LRFN5: variants seen among roughly 807,000 people sequenced by gnomAD.
LRFN5 encodes the protein leucine rich repeat and fibronectin type III domain containing 5.
In LRFN5, 24 loss-of-function variants were observed where a neutral mutation model predicts 45.6. The ratio of observed to expected loss-of-function variants is 0.53; its 90% CI spans 0.38 to 0.74. The LOEUF is 0.74. Ranked by LOEUF, LRFN5 falls within the 30% of genes least tolerant of loss-of-function variation. The pLI is 0.00. For synonymous variants in LRFN5, 340 were observed against 313.8 expected (o/e 1.08, Z -0.88); for missense variants, 776 against 861.5 (o/e 0.90, Z 1.24).
intron 1 of LRFN5, chr14:41,699,995 T>A (rs1372901844): frequency 6.6e-6 from 1 of 151,920 alleles, no homozygotes; most frequent in Non-Finnish European, 1.5e-5. Context: ...GAAATGAAGA[T>A]TTACAACTCA....
intron 2 of LRFN5, among the ~76,000 whole-genome samples, chr14:41,879,476 C>T (rs1226175050): frequency 6.6e-6 from 1 of 151,856 alleles, no homozygotes; most frequent in Non-Finnish European, 1.5e-5. Flanking sequence ...TTTCTTTCCT[C>T]ATCTTCTCCT....
chr14:41,774,734 A>G (rs1333802419), intron 2 of LRFN5, among the ~76,000 whole-genome samples: 1 of 152,218 alleles, frequency 6.6e-6, no homozygotes, highest in Non-Finnish European at 1.5e-5. Context: ...TTCACACGTA[A>G]GTATTCAATA....
intron 1 of LRFN5, among the ~76,000 whole-genome samples, chr14:41,609,199 A>T (rs868702710): frequency 6.6e-6 from 1 of 152,308 alleles, no homozygotes; most frequent in Middle Eastern, 3.4e-3. Context: ...GTAGCAGAAT[A>T]AATCCATGAA....
intron 1 of LRFN5, among the ~76,000 whole-genome samples, chr14:41,692,323 T>C (rs1352715674): frequency 3.9e-5 from 6 of 152,114 alleles, no homozygotes; most frequent in Non-Finnish European, 7.4e-5. Context: ...TGTAGCTTTA[T>C]GTGAGTCCTT....
chr14:41,850,397 A>G (rs904194979), intron 2 of LRFN5, among the ~76,000 whole-genome samples: 1 of 151,852 alleles, frequency 6.6e-6, no homozygotes, highest in African/African-American at 2.4e-5. Context: ...TTGTTTGAAT[A>G]ACTTCTGCAT....
intron 1 of LRFN5, among the ~76,000 whole-genome samples, chr14:41,722,710 C>G (rs1361088846): frequency 6.6e-6 from 1 of 152,116 alleles, no homozygotes; most frequent in Non-Finnish European, 1.5e-5. Flanking sequence ...GCAGTTCATC[C>G]TACAAGTCAG....
intron 1 of LRFN5, among the ~76,000 whole-genome samples, chr14:41,765,115 G>T (rs1214931296): frequency 6.6e-6 from 1 of 152,022 alleles, no homozygotes. Context: ...GCCGAGACGG[G>T]CGGATCACGA....
At chr14:41,880,398 A>G (rs1890340587) in intron 2 of LRFN5, among the ~76,000 whole-genome samples, 1 of 151,882 alleles carries the variant, frequency 6.6e-6, no homozygotes, top group Non-Finnish European at 1.5e-5. Context: ...CTGATTTTAA[A>G]CCATGTTTTC....
At chr14:41,755,584 C>G (rs1039002916) in intron 1 of LRFN5, among the ~76,000 whole-genome samples, 3 of 152,138 alleles carry the variant, frequency 2.0e-5, no homozygotes, top group African/African-American at 7.2e-5. Context: ...ACTAGGATTG[C>G]AACCCCTGCC....
intron 1 of LRFN5, among the ~76,000 whole-genome samples, chr14:41,707,931 A>G (rs1015068926): frequency 2.0e-5 from 3 of 152,084 alleles, no homozygotes; most frequent in Non-Finnish European, 4.4e-5. Context: ...GACCTAATTA[A>G]AAGATGTTCA....
At chr14:41,873,326 C>T (rs893262313) in intron 2 of LRFN5, among the ~76,000 whole-genome samples, 1 of 151,642 alleles carries the variant, frequency 6.6e-6, no homozygotes, top group African/African-American at 2.4e-5. Flanking sequence ...GAGTGCACTT[C>T]CCAAAATACA....
At chr14:41,737,237 C>A (rs919648515) in intron 1 of LRFN5, among the ~76,000 whole-genome samples, 1 of 152,024 alleles carries the variant, frequency 6.6e-6, no homozygotes, top group Admixed American at 6.6e-5. Context: ...ATAAACAGAA[C>A]CAATGGCAAA....
At chr14:41,681,828 T>TTTA (rs1566618949) in intron 1 of LRFN5, among the ~76,000 whole-genome samples, 12 of 36,078 alleles carry the variant, frequency 3.3e-4, no homozygotes, top group African/African-American at 2.1e-3. Context: ...TTATTTATTT[T>TTTA]TTTTTTTTGT....
intron 1 of LRFN5, among the ~76,000 whole-genome samples, chr14:41,754,107 A>G (rs1375710438): frequency 6.6e-6 from 1 of 152,216 alleles, no homozygotes; most frequent in African/African-American, 2.4e-5. Flanking sequence ...CATCACAGGG[A>G]TAAAACCCAC....
chr14:41,705,622 T>C (rs1164677027), intron 1 of LRFN5, among the ~76,000 whole-genome samples: 2 of 152,178 alleles, frequency 1.3e-5, no homozygotes, highest in South Asian at 2.1e-4. Context: ...TTTTCTTCTT[T>C]GTCCAGCTCT....
chr14:41,891,738 C>A lies in LRFN5; in HGVS notation c.1874C>A (p.Thr625Asn). Residue 625 changes from threonine (T) to asparagine (N), a missense_variant, in exon 4 of 6, where the codon ACT becomes AAT. By Grantham distance (65) the Thr-to-Asn change is moderately conservative (BLOSUM62 0). Around this residue, in one of 2 missense-constraint regions of LRFN5, gnomAD observed 465 missense variants for 456.4 expected, o/e 1.02. Transcript: ENST00000298119. The stretch of plus-strand genomic sequence containing the variant: ...TGTTCGAGTCAGGACTCCTCTACCA[C>A]TACCTCTGCTTTGCCTCCTTCCTGG... ...ETCSSQDSST[T>N]TSALPPSWTS... is the part of the protein sequence containing the mutation. 6.2e-7 allele frequency: 1 copy of A among 1,614,194 alleles called. No individual in the cohort carries two copies.
At chr14:41,848,271 T>C (rs1889139106) in intron 2 of LRFN5, among the ~76,000 whole-genome samples, 1 of 152,056 alleles carries the variant, frequency 6.6e-6, no homozygotes, top group Non-Finnish European at 1.5e-5. Flanking sequence ...TGTCTTGGTA[T>C]CGTAGAATAA....
chr14:41,711,300 T>C (rs1566631686), intron 1 of LRFN5, among the ~76,000 whole-genome samples: 1 of 152,138 alleles, frequency 6.6e-6, no homozygotes, highest in Admixed American at 6.6e-5. Flanking sequence ...GTATAAAAAC[T>C]ATAAAGTAGT....
intron 2 of LRFN5, among the ~76,000 whole-genome samples, chr14:41,802,340 G>A (rs1887363308): frequency 6.6e-6 from 1 of 152,088 alleles, no homozygotes; most frequent in South Asian, 2.1e-4. Context: ...ATCAGAGGCA[G>A]GGAGGATTCT....
Sources: allele counts gnomAD v4.1 joint callset (sites outside exome capture counted in the v4.1 genomes callset), GRCh38; gene constraint gnomAD v4.1.1; regional missense constraint gnomAD v4.1.1; transcripts MANE v1.5; gene names NCBI Gene and HGNC (gene_info 2026-07-23, HGNC 2026-07-21).